RNF150: variants seen among roughly 807,000 people sequenced by gnomAD.
The protein encoded by RNF150 is ring finger protein 150.
Under a neutral mutation model 39.3 loss-of-function variants are expected in RNF150, and 24 were observed. The observed-to-expected ratio is 0.61, with a 90% CI of 0.44 to 0.86. RNF150 has a LOEUF of 0.86. Among genes scored for constraint, RNF150 ranks in the 40% least tolerant of loss-of-function variants. RNF150 has a pLI of 0.00. For synonymous variants in RNF150, 255 were observed against 227.3 expected, an observed-to-expected ratio of 1.12 and a Z score of -1.10; for missense variants, 502 against 587.8, an observed-to-expected ratio of 0.85 and a Z score of 1.51.
At chr4:141,018,407 A>C (rs1031387319) in intron 1 of RNF150, among the ~76,000 whole-genome samples, 1 of 152,094 alleles carries the variant, frequency 6.6e-6, no homozygotes, top group African/African-American at 2.4e-5. Context: ...ATACCATCAC[A>C]TCCCTGCTTG....
chr4:140,971,608 A>G (rs138638967), intron 1 of RNF150, among the ~76,000 whole-genome samples: 3 of 152,260 alleles, frequency 2.0e-5, no homozygotes, highest in Non-Finnish European at 4.4e-5. Flanking sequence ...AAAATGTGTG[A>G]CCAGGACACA....
intron 1 of RNF150, among the ~76,000 whole-genome samples, chr4:140,984,817 C>T (rs559576070): frequency 1.3e-4 from 20 of 152,220 alleles, no homozygotes; most frequent in African/African-American, 4.6e-4. Flanking sequence ...AGTTTCCTCC[C>T]TCACTGTGCT....
chr4:141,202,451 G>A (rs763446889), intron 1 of RNF150, among the ~76,000 whole-genome samples: 8 of 151,772 alleles, frequency 5.3e-5, no homozygotes, highest in Non-Finnish European at 1.2e-4. Flanking sequence ...TTTGTTAATT[G>A]GTATATTCTT....
intron 1 of RNF150, among the ~76,000 whole-genome samples, chr4:140,975,206 C>A (rs1325001805): frequency 6.6e-6 from 1 of 152,084 alleles, no homozygotes; most frequent in Admixed American, 6.6e-5. Context: ...CCGCAATGAG[C>A]CATGATTGTG....
chr4:140,919,530 TAA>T (rs1731011170), intron 5 of RNF150, among the ~76,000 whole-genome samples: 1 of 151,012 alleles, frequency 6.6e-6, no homozygotes, highest in African/African-American at 2.4e-5. Context: ...CTCAATGAAA[TAA>T]AAGAGGATAC....
chr4:140,884,702 C>G (rs1256168980), intron 6 of RNF150, among the ~76,000 whole-genome samples: 1 of 152,062 alleles, frequency 6.6e-6, no homozygotes, highest in African/African-American at 2.4e-5. Flanking sequence ...TTTTTGGCCC[C>G]CTGACCTGCT....
chr4:140,990,340 CT>C (rs1180377492), intron 1 of RNF150, among the ~76,000 whole-genome samples: 1 of 151,762 alleles, frequency 6.6e-6, no homozygotes, highest in East Asian at 1.9e-4. Flanking sequence ...TAACAACTTT[CT>C]TTTTTTAATT....
intron 1 of RNF150, among the ~76,000 whole-genome samples, chr4:141,089,411 G>A (rs79256841): frequency 1.8e-4 from 27 of 152,110 alleles, no homozygotes; most frequent in African/African-American, 5.8e-4. Context: ...CCAGCCAACT[G>A]GGGGGAGGGG....
At chr4:140,963,540 A>C (rs1028070091) in intron 2 of RNF150, among the ~76,000 whole-genome samples, 1 of 136,508 alleles carries the variant, frequency 7.3e-6, no homozygotes, top group Non-Finnish European at 1.6e-5. Flanking sequence ...ACAGCTCTAG[A>C]TCACAGAAAA....
intron 1 of RNF150, among the ~76,000 whole-genome samples, chr4:141,155,792 T>A (rs1727383680): frequency 6.6e-6 from 1 of 152,282 alleles, no homozygotes; most frequent in South Asian, 2.1e-4. Flanking sequence ...CAGCCAGGAA[T>A]GCTGGTCAAT....
intron 1 of RNF150, among the ~76,000 whole-genome samples, chr4:141,020,091 T>G (rs1325206246): frequency 2.1e-5 from 3 of 139,664 alleles, no homozygotes; most frequent in Non-Finnish European, 3.2e-5. Context: ...GGAGTTTTTT[T>G]TTGGTTTGAT....
chr4:140,992,643 C>G (rs937314497), intron 1 of RNF150, among the ~76,000 whole-genome samples: 1 of 152,084 alleles, frequency 6.6e-6, no homozygotes, highest in Non-Finnish European at 1.5e-5. Context: ...CTGGATATGA[C>G]AAGGCTTTCT....
intron 1 of RNF150, among the ~76,000 whole-genome samples, chr4:141,047,284 G>A (rs1389494370): frequency 6.6e-6 from 1 of 152,122 alleles, no homozygotes; most frequent in East Asian, 1.9e-4. Context: ...AACGTGTCCA[G>A]TGCCTTCAAC....
chr4:140,998,767 C>A (rs1471282844), intron 1 of RNF150, among the ~76,000 whole-genome samples: 7 of 152,328 alleles, frequency 4.6e-5, no homozygotes, highest in Middle Eastern at 3.4e-3. Flanking sequence ...CCTGCACCAT[C>A]ATGTGAACTC....
rs1049200106 is a variant in RNF150, at chr4:140,866,182, G to C, written c.*2079C>G. The C allele has an allele frequency of 5.3e-5, 8 of 152,296 alleles. No homozygotes were observed. Among genetic ancestry groups the C allele is most frequent in the Non-Finnish European group, 1.2e-4 (8 of 68,032 alleles). 9.4% of individuals were successfully genotyped at this position (152,296 alleles called of 1,614,324 possible). ...CACCATAGTTGTGCCAAGTCTCAAAGGCTGTTATTACATGATACATGTCAA... is the reference window on the plus strand; with the variant it reads ...CACCATAGTTGTGCCAAGTCTCAAACGCTGTTATTACATGATACATGTCAA... On this transcript the variant is annotated 3_prime_UTR_variant, in exon 7 of 7. Transcript: ENST00000515673.
intron 4 of RNF150, among the ~76,000 whole-genome samples, chr4:140,943,755 G>T (rs903471093): frequency 6.6e-6 from 1 of 152,084 alleles, no homozygotes; most frequent in Non-Finnish European, 1.5e-5. Context: ...TGTTCCAAAT[G>T]AAGCATTTAG....
chr4:141,131,990 G>T (rs1179358889), intron 1 of RNF150, among the ~76,000 whole-genome samples: 1 of 152,102 alleles, frequency 6.6e-6, no homozygotes, highest in Non-Finnish European at 1.5e-5. Flanking sequence ...CAGGTGCTGG[G>T]CCGGTCACTA....
At chr4:140,874,443 A>G (rs1256794674) in intron 6 of RNF150, among the ~76,000 whole-genome samples, 1 of 152,200 alleles carries the variant, frequency 6.6e-6, no homozygotes, top group East Asian at 1.9e-4. Context: ...CACTTGGTAA[A>G]TATTTCTAGA....
intron 5 of RNF150, among the ~76,000 whole-genome samples, chr4:140,914,427 A>T (rs1343134437): frequency 6.6e-6 from 1 of 152,266 alleles, no homozygotes; most frequent in African/African-American, 2.4e-5. Flanking sequence ...AAAACTGCAC[A>T]GGCATTTAAA....
Sources: allele counts gnomAD v4.1 joint callset (sites outside exome capture counted in the v4.1 genomes callset), GRCh38; gene constraint gnomAD v4.1.1; transcripts MANE v1.5; gene names NCBI Gene and HGNC (gene_info 2026-07-23, HGNC 2026-07-21).